HERC1: variants seen among roughly 807,000 people sequenced by gnomAD.
The protein encoded by HERC1 is probable E3 ubiquitin-protein ligase HERC1.
In HERC1, 160 loss-of-function variants were observed where a neutral mutation model predicts 554.3. That is an observed-to-expected ratio of 0.29 (90% CI 0.25 to 0.33). The LOEUF is 0.33. Ranked by LOEUF, HERC1 falls within the 10% of genes least tolerant of loss-of-function variation. HERC1 has a pLI of 1.00. For synonymous variants in HERC1, 2,175 were observed against 2,131.7 expected, an observed-to-expected ratio of 1.02 and a Z score of -0.56; for missense variants, 4,919 against 5,918.5, an observed-to-expected ratio of 0.83 and a Z score of 5.54.
chr15:63,666,188 C>A (rs1327094663), intron 41 of HERC1, 38 bp from the exon 42 acceptor site: 2 of 1,538,730 alleles, frequency 1.3e-6, no homozygotes, highest in Non-Finnish European at 1.8e-6. Flanking sequence ...TGACTTTGGG[C>A]AAAGAATTAG....
intron 27 of HERC1, among the ~76,000 whole-genome samples, chr15:63,695,383 CTTTTT>C (rs35039072): frequency 2.9e-5 from 3 of 103,300 alleles, no homozygotes; most frequent in African/African-American, 8.0e-5. Context: ...TCTGTATAAT[CTTTTT>C]TTTTTTTTTT....
chr15:63,707,426 A>G (rs2073064746), intron 24 of HERC1, among the ~76,000 whole-genome samples: 1 of 152,258 alleles, frequency 6.6e-6, no homozygotes, highest in Non-Finnish European at 1.5e-5. Flanking sequence ...GTGAAGGCTT[A>G]CAAGAAGAAT....
At position 63,649,766 on chromosome 15, in the gene HERC1, G is replaced by A. The variant is rs2069574938; in HGVS notation, c.10706C>T (p.Thr3569Ile). ...ATGCTCCAATTCTCGACGGTGCATG[G>A]TGGACACATCAACAACTTCAATCAG... The part of the protein sequence containing the change: ...LGLIEVVDVS[T>I]MHRRELEHCY... The change falls in exon 54 of 78, where the codon ACC becomes ATC. Residue 3569 changes from threonine (T) to isoleucine (I), a missense_variant. By Grantham distance (89) the Thr-to-Ile change is moderately conservative. Around this residue, in one of 11 missense-constraint regions of HERC1, gnomAD observed 1,963 missense variants for 2,228.6 expected, o/e 0.88. Coordinates refer to ENST00000443617, the MANE Select transcript of HERC1 (RefSeq NM_003922.4). 2 of 1,613,758 alleles carry A rather than the reference G, an allele frequency of 1.2e-6. No individual in the cohort carries two copies. Among genetic ancestry groups the A allele is most frequent in the East Asian group, 2.2e-5 (1 of 44,850 alleles).
In HERC1 at chr15:63,675,053, G is replaced by A. The variant is rs2071124382; in HGVS notation, c.7135C>T (p.Pro2379Ser). 6.2e-7 allele frequency: 1 copy of A among 1,614,004 alleles called. No homozygotes were observed. ...CCTCGGAATCGCGCCACATCAAACG[G>A]CAATGGTTCACAGGGTTCCAGATTA... is the stretch of plus-strand genomic sequence containing the variant. ...LYNLEPCEPLPFDVARFRGLT... is the reference protein window; with the variant it reads ...LYNLEPCEPLSFDVARFRGLT... The change falls in exon 38 of 78, where the codon CCG becomes TCG. Residue 2379 changes from proline to serine, a missense_variant. By Grantham distance (74) the Pro-to-Ser change is moderately conservative (BLOSUM62 -1). Around this residue, in one of 11 missense-constraint regions of HERC1, gnomAD observed 1,963 missense variants for 2,228.6 expected, o/e 0.88. Coordinates refer to ENST00000443617, the MANE Select transcript of HERC1 (RefSeq NM_003922.4).
At chr15:63,691,017 C>T (rs543528926) in intron 31 of HERC1, among the ~76,000 whole-genome samples, 2 of 152,144 alleles carry the variant, frequency 1.3e-5, no homozygotes, top group Non-Finnish European at 2.9e-5. Flanking sequence ...TTGACCAAAG[C>T]CACACAAGCT....
intron 38 of HERC1, among the ~76,000 whole-genome samples, chr15:63,673,230 T>A (rs1289482481): frequency 7.4e-6 from 1 of 135,972 alleles, no homozygotes. Flanking sequence ...TTTTTTTAAT[T>A]GTTAAGGAAT....
intron 12 of HERC1, among the ~76,000 whole-genome samples, chr15:63,743,447 T>C (rs1457996454): frequency 5.3e-5 from 8 of 151,886 alleles, no homozygotes; most frequent in Non-Finnish European, 7.4e-5. Flanking sequence ...GTATTTTTAG[T>C]AGAGAAGGGG....
At chr15:63,796,624 G>A (rs2076821308) in intron 1 of HERC1, among the ~76,000 whole-genome samples, 1 of 152,104 alleles carries the variant, frequency 6.6e-6, no homozygotes, top group African/African-American at 2.4e-5. Flanking sequence ...AGGTGGTCAG[G>A]GACAGCTTGA....
At chr15:63,754,959 C>T (rs974051749) in intron 6 of HERC1, among the ~76,000 whole-genome samples, 2 of 152,130 alleles carry the variant, frequency 1.3e-5, no homozygotes. Flanking sequence ...TTATAAACTT[C>T]AGGATCATGA....
At chr15:63,793,281 C>T (rs2144325421) in intron 1 of HERC1, among the ~76,000 whole-genome samples, 1 of 152,312 alleles carries the variant, frequency 6.6e-6, no homozygotes. Flanking sequence ...AAAGACCACG[C>T]TGATAAAACT....
intron 55 of HERC1, 147 bp from the exon 56 acceptor site, chr15:63,645,829 C>G (rs1050357201): frequency 1.6e-5 from 9 of 580,190 alleles, no homozygotes; most frequent in African/African-American, 1.5e-4. Flanking sequence ...AAATCAGATA[C>G]TGCCATATCA....
chr15:63,639,205 G>T (rs2068921430), intron 61 of HERC1, among the ~76,000 whole-genome samples: 1 of 152,186 alleles, frequency 6.6e-6, no homozygotes, highest in Non-Finnish European at 1.5e-5. Flanking sequence ...GTATACTTTT[G>T]TGCCACGTGA....
Position 63,663,138 on chromosome 15 carries a change from T to C in HERC1, c.8747A>G (p.Gln2916Arg), listed in dbSNP as rs772430551. The change falls in exon 44 of 78, where the codon CAA becomes CGA. Residue 2916 changes from glutamine (Q) to arginine (R), a missense_variant. By Grantham distance (43) the Gln-to-Arg change is conservative (BLOSUM62 1). Transcript: ENST00000443617. ...QSRREGISLQQDPGALYDFNL... is the reference protein window; with the variant it reads ...QSRREGISLQRDPGALYDFNL... ...AAAGTCATACAACGCCCCTGGGTCT[T>C]GCTGCAAAGATATTCCTTCTCTCCG... 1 of 1,614,050 alleles carries C rather than the reference T, an allele frequency of 6.2e-7. No individual in the cohort carries two copies. Among genetic ancestry groups the C allele is most frequent in the South Asian group, 1.1e-5 (1 of 91,090 alleles).
chr15:63,616,121 A>G (rs1016854697), intron 75 of HERC1, among the ~76,000 whole-genome samples: 1 of 152,166 alleles, frequency 6.6e-6, no homozygotes, highest in Non-Finnish European at 1.5e-5. Flanking sequence ...AAATGGGACA[A>G]AATCTCTCTG....
chr15:63,799,947 G>A (rs960897697), intron 1 of HERC1, among the ~76,000 whole-genome samples: 1 of 152,050 alleles, frequency 6.6e-6, no homozygotes, highest in African/African-American at 2.4e-5. Context: ...CTGCGCAACA[G>A]TGTGAGACTC....
At position 63,727,827 on chromosome 15, in the gene HERC1, C is replaced by T. The variant is rs781295658; in HGVS notation, c.3166G>A (p.Val1056Ile). The T allele has an allele frequency of 2.0e-5, 32 of 1,612,192 alleles. No homozygotes were observed. The East Asian group carries it at 2.0e-4, about 10-fold the overall frequency. ...VGEKLRDVIY[V>I]SAAGSMLCQI... Reference sequence around the variant, plus strand: ...CAGAGCATACTGCCAGCAGCTGAGACGTATATCACATCTATGAAGGGCAAG... The same window carrying T: ...CAGAGCATACTGCCAGCAGCTGAGATGTATATCACATCTATGAAGGGCAAG... Residue 1056 changes from valine (V) to isoleucine (I), a missense_variant, in exon 17 of 78, where the codon GTC (valine) becomes ATC (isoleucine). Transcript: ENST00000443617. This position sits in a 1 kb window ranked among gnomAD's most constrained non-coding sequence, Gnocchi z 4.3.
intron 3 of HERC1, among the ~76,000 whole-genome samples, chr15:63,760,433 T>G (rs1202356781): frequency 3.8e-5 from 1 of 26,080 alleles, no homozygotes; most frequent in Non-Finnish European, 8.6e-5. Flanking sequence ...AGAGACACCA[T>G]CCAAAAAAAA....
intron 22 of HERC1, among the ~76,000 whole-genome samples, chr15:63,713,924 G>A (rs1341952040): frequency 2.6e-5 from 4 of 152,112 alleles, no homozygotes; most frequent in Admixed American, 6.5e-5. Flanking sequence ...CAATTCAAAT[G>A]TTATTAATGA....
chr15:63,775,079 G>C lies in HERC1; in HGVS notation c.545C>G (p.Ser182Ter). 1 of 1,613,990 alleles carries C rather than the reference G, an allele frequency of 6.2e-7. No homozygotes were observed. The highest frequency in any genetic ancestry group is 8.5e-7 in the Non-Finnish European group (1 of 1,179,892). The change falls in exon 2 of 78, where the codon TCA (serine) becomes TGA (stop). Residue 182 changes from serine to a stop codon, truncating the protein, a stop_gained. Transcript: ENST00000443617. LOFTEE classifies it high-confidence loss of function. This position sits in a 1 kb window ranked among gnomAD's most constrained non-coding sequence, Gnocchi z 4.0. ...GTTGCAAAGACTGAGACCAGGTCCTGACACAGGCATCATCCAACTTTGTCT... is the reference window on the plus strand; with the variant it reads ...GTTGCAAAGACTGAGACCAGGTCCTCACACAGGCATCATCCAACTTTGTCT... ...LLRQSWMMPV[S>*]GPGLSLCNDV... is the part of the protein sequence containing the mutation.
Sources: allele counts gnomAD v4.1 joint callset (sites outside exome capture counted in the v4.1 genomes callset), GRCh38; gene constraint gnomAD v4.1.1; regional missense constraint gnomAD v4.1.1; non-coding constraint Gnocchi (gnomAD v3.1); transcripts MANE v1.5; gene names NCBI Gene and HGNC (gene_info 2026-07-23, HGNC 2026-07-21).